Variants in PRKG1 observed in about 807,000 individuals in gnomAD.
The protein encoded by PRKG1 is protein kinase cGMP-dependent 1, also known as cGMP-dependent protein kinase 1.
Under a neutral mutation model 88.1 loss-of-function variants are expected in PRKG1, and 35 were observed. The observed-to-expected ratio is 0.40, with a 90% CI of 0.30 to 0.53. The LOEUF (loss-of-function observed/expected upper bound fraction) is 0.53. Ranked by LOEUF, PRKG1 falls within the 20% of genes least tolerant of loss-of-function variation. PRKG1 has a pLI of 0.59. For synonymous variants in PRKG1, 303 were observed against 292.5 expected, an observed-to-expected ratio of 1.04 and a Z score of -0.37; for missense variants, 540 against 839.8, an observed-to-expected ratio of 0.64 and a Z score of 4.41.
chr10:51,754,637 A>G (rs892059635), intron 3 of PRKG1, among the ~76,000 whole-genome samples: 2 of 152,194 alleles, frequency 1.3e-5, no homozygotes, highest in African/African-American at 4.8e-5. Flanking sequence ...CAGCTGAGCT[A>G]TTGGACCTCT....
chr10:51,502,433 C>T (rs1296702109), intron 3 of PRKG1, among the ~76,000 whole-genome samples: 1 of 152,094 alleles, frequency 6.6e-6, no homozygotes, highest in Admixed American at 6.6e-5. Context: ...ATTTTTCTGT[C>T]ATTAGAGAGC....
chr10:51,562,789 G>C (rs946161452), intron 3 of PRKG1, among the ~76,000 whole-genome samples: 2 of 151,922 alleles, frequency 1.3e-5, no homozygotes, highest in East Asian at 3.9e-4. Context: ...TTTATTTAGA[G>C]ACAGAGTCTC....
At chr10:51,411,477 G>T (rs1379614677) in intron 2 of PRKG1, among the ~76,000 whole-genome samples, 1 of 152,182 alleles carries the variant, frequency 6.6e-6, no homozygotes, top group African/African-American at 2.4e-5. Context: ...CTTTTGGTAT[G>T]TGTCAATTTG....
At chr10:52,224,957 A>G (rs1314345858) in intron 9 of PRKG1, among the ~76,000 whole-genome samples, 4 of 151,712 alleles carry the variant, frequency 2.6e-5, no homozygotes, top group Non-Finnish European at 4.4e-5. Context: ...GTGTGTAAGT[A>G]TCTTTTTCAA....
chr10:51,998,040 A>G (rs911469404), intron 5 of PRKG1, among the ~76,000 whole-genome samples: 6 of 152,182 alleles, frequency 3.9e-5, no homozygotes, highest in Non-Finnish European at 7.3e-5. Context: ...TTTTTGGTGG[A>G]CACTCTATCA....
At chr10:51,554,346 C>T (rs1437058997) in intron 3 of PRKG1, among the ~76,000 whole-genome samples, 3 of 144,318 alleles carry the variant, frequency 2.1e-5, no homozygotes, top group African/African-American at 7.5e-5. Flanking sequence ...ATTATATACA[C>T]ATATATAATA....
intron 4 of PRKG1, among the ~76,000 whole-genome samples, chr10:51,898,548 A>AT (rs1176622291): frequency 6.6e-6 from 1 of 152,106 alleles, no homozygotes; most frequent in Non-Finnish European, 1.5e-5. Flanking sequence ...TTAAAAAAAA[A>AT]TTTTGGCCAG....
chr10:51,610,099 G>A (rs1186671451), intron 3 of PRKG1, among the ~76,000 whole-genome samples: 1 of 152,126 alleles, frequency 6.6e-6, no homozygotes, highest in African/African-American at 2.4e-5. Flanking sequence ...GACATTTAGG[G>A]TATCTATCAC....
At chr10:51,706,320 G>A (rs12253745) in intron 3 of PRKG1, among the ~76,000 whole-genome samples, 10,726 of 152,134 alleles carry the variant, frequency 0.071, 401 homozygotes, top group East Asian at 0.086. Context: ...CTCCACCTGC[G>A]CTGGCCTTCC....
At chr10:51,471,434 T>G (rs1840047890) in intron 3 of PRKG1, among the ~76,000 whole-genome samples, 1 of 152,024 alleles carries the variant, frequency 6.6e-6, no homozygotes, top group South Asian at 2.1e-4. Context: ...TACCCCTTAC[T>G]TACTCAGTTC....
At position 51,949,032 on chromosome 10, in the gene PRKG1, G is replaced by A. The variant is rs144613348; in HGVS notation, c.762+41462G>A. On this transcript the variant is annotated intron_variant, in intron 5 of 17. Transcript: ENST00000373980. Reference sequence around the variant, plus strand: ...TGTCAACTACATGATTTTCATTATTGCGTCTTTGTCTTCTGCATGTCCAAC... The same window carrying A: ...TGTCAACTACATGATTTTCATTATTACGTCTTTGTCTTCTGCATGTCCAAC... 9.9e-5 allele frequency among the ~76,000 whole-genome samples: 15 copies of A among 152,034 alleles called. No homozygotes were observed. In the East Asian group the frequency reaches 2.9e-3, roughly 29 times the overall value.
intron 1 of PRKG1, among the ~76,000 whole-genome samples, chr10:51,124,038 C>T (rs1845335206): frequency 6.6e-6 from 1 of 152,096 alleles, no homozygotes; most frequent in South Asian, 2.1e-4. Context: ...CGGGCCCCAC[C>T]TCCAATACTG....
At chr10:51,359,012 C>T (rs1009319546) in intron 2 of PRKG1, among the ~76,000 whole-genome samples, 41 of 150,256 alleles carry the variant, frequency 2.7e-4, no homozygotes, top group African/African-American at 9.8e-4. Flanking sequence ...TAATTTAGAT[C>T]TGTTGAAATG....
chr10:51,165,621 A>G (rs1846516565), intron 2 of PRKG1, among the ~76,000 whole-genome samples: 2 of 152,116 alleles, frequency 1.3e-5, no homozygotes. Flanking sequence ...AAGAGTCAAG[A>G]CCCATCAGTG....
intron 3 of PRKG1, among the ~76,000 whole-genome samples, chr10:51,651,145 G>A (rs1840029156): frequency 6.6e-6 from 1 of 152,138 alleles, no homozygotes; most frequent in South Asian, 2.1e-4. Context: ...ATACTATACT[G>A]ATTATACCAC....
intron 3 of PRKG1, among the ~76,000 whole-genome samples, chr10:51,603,787 G>A (rs1838679642): frequency 6.6e-6 from 1 of 152,166 alleles, no homozygotes; most frequent in Admixed American, 6.5e-5. Context: ...CAGGTAAGGT[G>A]ATGACATAGA....
chr10:51,681,104 T>C (rs796559292), intron 3 of PRKG1, among the ~76,000 whole-genome samples: 9 of 152,306 alleles, frequency 5.9e-5, no homozygotes, highest in African/African-American at 2.2e-4. Flanking sequence ...ACCCAAAATG[T>C]TATCTAGTCA....
At chr10:52,090,213 T>A (rs902940571) in intron 7 of PRKG1, among the ~76,000 whole-genome samples, 1 of 152,092 alleles carries the variant, frequency 6.6e-6, no homozygotes, top group African/African-American at 2.4e-5. Flanking sequence ...AAGATGATCC[T>A]GGGGTATCTT....
intron 4 of PRKG1, among the ~76,000 whole-genome samples, chr10:51,841,158 T>A (rs1840265247): frequency 6.6e-6 from 1 of 152,204 alleles, no homozygotes. Context: ...TTTGTAACTT[T>A]ATCTCCAGTA....
Sources: allele counts gnomAD v4.1 joint callset (sites outside exome capture counted in the v4.1 genomes callset), GRCh38; gene constraint gnomAD v4.1.1; transcripts MANE v1.5; gene names NCBI Gene and HGNC (gene_info 2026-07-23, HGNC 2026-07-21).